Variants in SEMA4G observed in about 807,000 individuals in gnomAD.
The protein encoded by SEMA4G is semaphorin-4G.
In SEMA4G, 59 loss-of-function variants were observed where a neutral mutation model predicts 81.2. The ratio of observed to expected loss-of-function variants is 0.73; its 90% confidence interval spans 0.59 to 0.90. SEMA4G has a LOEUF of 0.90. Among genes scored for constraint, SEMA4G ranks in the 40% least tolerant of loss-of-function variants. The pLI, the probability that SEMA4G is intolerant of heterozygous loss-of-function variation, is 0.00. For missense variants in SEMA4G, 952 were observed against 1,102.3 expected, an observed-to-expected ratio of 0.86 and a Z score of 1.93; for synonymous variants, 404 against 433.9, an observed-to-expected ratio of 0.93 and a Z score of 0.86.
intron 3 of SEMA4G, 60 bp from the exon 5 acceptor site, chr10:100,977,572 T>A: frequency 7.4e-7 from 1 of 1,354,082 alleles, no homozygotes; most frequent in South Asian, 1.2e-5. Context: ...AAAGCTAGAC[T>A]AATGGAGGAG....
intron 10 of SEMA4G, 33 bp from the exon 12 acceptor site, chr10:100,980,545 T>G: frequency 6.4e-7 from 1 of 1,559,116 alleles, no homozygotes; most frequent in Non-Finnish European, 8.8e-7. Flanking sequence ...GATCCCATAG[T>G]TGGGGTCTAA....
At chr10:100,978,208 T>C (rs1850885141) in intron 4 of SEMA4G, 87 bp from the exon 6 acceptor site, 1 of 932,732 alleles carries the variant, frequency 1.1e-6, no homozygotes, top group Non-Finnish European at 1.7e-6. Flanking sequence ...CCCTGATCGC[T>C]GATCCCTGAC....
exon 14 of SEMA4G, chr10:100,984,512 G>T: frequency 1.3e-6 from 2 of 1,535,890 alleles, no homozygotes; most frequent in Non-Finnish European, 1.7e-6. Flanking sequence ...AGGTCCATAT[G>T]GGCTCAATGT....
At chr10:100,978,335 G>A (rs1336829326) in exon 5 of SEMA4G, 2 of 1,613,714 alleles carry the variant, frequency 1.2e-6, no homozygotes, top group African/African-American at 1.3e-5. Flanking sequence ...TTCGAGGAGG[G>A]GAAGGAGAAG....
chr10:100,979,825 C>G (rs772533949), intron 8 of SEMA4G, 23 bp from the exon 10 acceptor site: 97 of 1,611,612 alleles, frequency 6.0e-5, no homozygotes, highest in Non-Finnish European at 8.1e-5. Flanking sequence ...AACTCACCCC[C>G]CTTGCCCTAT....
chr10:100,973,229 C>A lies in SEMA4G; in HGVS notation c.225C>A (p.Ala75=), dbSNP rs1402573417. 1 of 1,613,354 alleles carries A rather than the reference C, an allele frequency of 6.2e-7. No individual in the cohort carries two copies. Among genetic ancestry groups the A allele is most frequent in the Admixed American group, 1.7e-5 (1 of 60,006 alleles). ...GGCTGCTGGTGGGAGCCCGAGGTGC[C>A]CTGTTCTCTCTCAGTGCCAACGACA... Residue 75 remains alanine (A), a synonymous_variant, in exon 2 of 14, where the codon GCC becomes GCA. Coordinates refer to ENST00000370250, the Ensembl canonical transcript of SEMA4G. This position sits in a 1 kb window ranked among gnomAD's most constrained non-coding sequence, Gnocchi z 5.5.
At chr10:100,984,535 C>T in exon 14 of SEMA4G, 2 of 1,536,216 alleles carry the variant, frequency 1.3e-6, no homozygotes, top group Non-Finnish European at 1.7e-6. Flanking sequence ...CCACCCTCTG[C>T]ATGGCCCTGT....
chr10:100,985,094 T>C, downstream of SEMA4G: 1 of 563,292 alleles, frequency 1.8e-6, no homozygotes, highest in Non-Finnish European at 3.0e-6. Flanking sequence ...TTGCCTAGGA[T>C]GGATGACCAA....
At chr10:100,972,712 C>T in exon 1 of SEMA4G, 1 of 548,948 alleles carries the variant, frequency 1.8e-6, no homozygotes, top group Admixed American at 3.5e-5. Context: ...GGCCACACAA[C>T]CCTGTGACTC....
chr10:100,983,916 C>T, exon 14 of SEMA4G: 1 of 1,551,378 alleles, frequency 6.4e-7, no homozygotes, highest in Non-Finnish European at 8.7e-7. Flanking sequence ...CCCACCACCC[C>T]CACCGCCCCC....
rs1355751836 is a variant in SEMA4G at position 100,981,754 on chromosome 10, A to C, written c.1690+525A>C. Among the ~76,000 whole-genome samples the C allele has an allele frequency of 1.3e-5, 2 of 152,192 alleles. 1 individual carries two copies. Among genetic ancestry groups the C allele is most frequent in the East Asian group, 3.9e-4 (2 of 5,192 alleles). On this transcript the variant is annotated intron_variant, in intron 13 of 13. Transcript: ENST00000370250. ...GCTCAAACTTATTCAGCTATTAAGA[A>C]ACTGGACCAGAATTCAAACCTGGCT...
chr10:100,969,823 G>T, upstream of SEMA4G: 1 of 451,142 alleles, frequency 2.2e-6, no homozygotes, highest in Non-Finnish European at 4.5e-6. Context: ...CGGGGAGGGG[G>T]CCGCGTGGCG....
exon 14 of SEMA4G, chr10:100,983,852 T>C (rs1590000321): frequency 1.3e-6 from 2 of 1,587,360 alleles, no homozygotes; most frequent in Non-Finnish European, 1.7e-6. Flanking sequence ...ATGAGGGGGC[T>C]GGGGGCCTGG....
intron 13 of SEMA4G, chr10:100,981,518 G>C (rs1206878322): frequency 6.2e-7 from 1 of 1,614,142 alleles, no homozygotes; most frequent in Admixed American, 1.7e-5. Context: ...ATTTCCCCAA[G>C]GAAGATCGGA....
chr10:100,983,169 A>AT, intron 13 of SEMA4G, 136 bp from the exon 15 acceptor site: 2 of 1,099,636 alleles, frequency 1.8e-6, no homozygotes, highest in Non-Finnish European at 2.5e-6. Flanking sequence ...GCATGAGCAC[A>AT]GAGCCTGGGT....
chr10:100,981,621 A>C, intron 13 of SEMA4G: 1 of 1,532,586 alleles, frequency 6.5e-7, no homozygotes, highest in Non-Finnish European at 9.0e-7. Context: ...TGATCTAAAT[A>C]CTTCTATGCA....
chr10:100,974,854 G>C (rs1180757129), intron 3 of SEMA4G: 1 of 395,542 alleles, frequency 2.5e-6, no homozygotes, highest in Non-Finnish European at 4.8e-6. Flanking sequence ...GGTCACACTT[G>C]TAATCTCAAC....
chr10:100,973,251 G>A lies in SEMA4G; in HGVS notation c.247G>A (p.Asp83Asn), dbSNP rs140040145. ...TGCCCTGTTCTCTCTCAGTGCCAAC[G>A]ACATAGGAGATGGGGCTCACAAAGA... The change falls in exon 2 of 14, where the codon GAC becomes AAC. Residue 83 changes from aspartate to asparagine, a missense_variant. Physicochemically the swap from Asp to Asn is conservative, Grantham distance 23. Transcript: ENST00000370250. The surrounding 1 kb of genome is among the most constrained non-coding windows in gnomAD (Gnocchi z 5.5). 1.0e-4 allele frequency: 163 copies of A among 1,613,248 alleles called. No homozygotes were observed. In the East Asian group the frequency reaches 2.7e-3, roughly 27 times the overall value.
chr10:100,979,981 C>T (rs949989449), exon 9 of SEMA4G: 4 of 1,613,896 alleles, frequency 2.5e-6, no homozygotes, highest in Non-Finnish European at 8.5e-7. Flanking sequence ...GCCTGAGCCC[C>T]GGCCTGGCTC....
Sources: allele counts gnomAD v4.1 joint callset (sites outside exome capture counted in the v4.1 genomes callset), GRCh38; gene constraint gnomAD v4.1.1; non-coding constraint Gnocchi (gnomAD v3.1); transcripts MANE v1.5; gene names NCBI Gene and HGNC (gene_info 2026-07-23, HGNC 2026-07-21).